Variants in BUB1B observed in about 807,000 individuals in gnomAD.
BUB1B encodes BUB1 mitotic checkpoint serine/threonine kinase B, also known as mitotic checkpoint serine/threonine-protein kinase BUB1 beta.
A neutral mutation model predicts 137.7 loss-of-function variants in BUB1B; 86 were observed. That is an observed-to-expected ratio of 0.62 (90% CI 0.52 to 0.75). The LOEUF (loss-of-function observed/expected upper bound fraction) is 0.75, where lower values mean the gene tolerates loss of function less well. BUB1B is among the 30% of genes least tolerant of loss of function. The pLI, the probability that BUB1B is intolerant of heterozygous loss-of-function variation, is 0.00. For synonymous variants in BUB1B, 420 were observed against 417.9 expected, an observed-to-expected ratio of 1.00 and a Z score of -0.06; for missense variants, 1,130 against 1,236.9, an observed-to-expected ratio of 0.91 and a Z score of 1.30.
At chr15:40,162,834 A>G (rs556660560) in intron 1 of BUB1B, among the ~76,000 whole-genome samples, 17 of 152,288 alleles carry the variant, frequency 1.1e-4, no homozygotes, top group African/African-American at 4.1e-4. Context: ...TGAATTCAAC[A>G]AACAGGGCAT....
chr15:40,199,809 CT>C (rs1392157282), intron 10 of BUB1B, 82 bp downstream of exon 10: 2 of 1,066,726 alleles, frequency 1.9e-6, no homozygotes, highest in Admixed American at 2.0e-5. Context: ...GGTTAAAGTC[CT>C]CCCAACCCCC....
At chr15:40,208,045 A>C (rs2140905132) in intron 15 of BUB1B, among the ~76,000 whole-genome samples, 1 of 151,292 alleles carries the variant, frequency 6.6e-6, no homozygotes, top group Middle Eastern at 3.4e-3. Flanking sequence ...ACTTGAGCCC[A>C]GGAAATCAAG....
intron 5 of BUB1B, among the ~76,000 whole-genome samples, chr15:40,179,705 C>T (rs1338039578): frequency 6.6e-6 from 1 of 151,878 alleles, no homozygotes; most frequent in African/African-American, 2.4e-5. Context: ...TTTGGATTAT[C>T]TGAGTGTTTT....
At chr15:40,211,039 G>A (rs1387094210) in intron 18 of BUB1B, among the ~76,000 whole-genome samples, 1 of 152,032 alleles carries the variant, frequency 6.6e-6, no homozygotes, top group Non-Finnish European at 1.5e-5. Flanking sequence ...AGTTTTCTCT[G>A]TTCTCTTATT....
chr15:40,208,183 A>C (rs2037661263), intron 15 of BUB1B, among the ~76,000 whole-genome samples: 1 of 152,040 alleles, frequency 6.6e-6, no homozygotes, highest in Admixed American at 6.5e-5. Context: ...ACAAATTATA[A>C]ATTATTTAAA....
chr15:40,169,998 G>A, intron 2 of BUB1B, 64 bp from the exon 3 acceptor site: 1 of 1,269,578 alleles, frequency 7.9e-7, no homozygotes. Context: ...AAAAATGGAA[G>A]TGATACTTGT....
intron 5 of BUB1B, among the ~76,000 whole-genome samples, chr15:40,182,972 G>T (rs11070253): frequency 0.54 from 82,449 of 151,876 alleles, 22,786 homozygotes; most frequent in African/African-American, 0.58. Context: ...TTTTGTATAT[G>T]GTCTATAGTT....
intron 2 of BUB1B, among the ~76,000 whole-genome samples, chr15:40,166,887 G>A (rs572947552): frequency 1.3e-5 from 2 of 152,250 alleles, no homozygotes; most frequent in African/African-American, 2.4e-5. Flanking sequence ...ACTAATAATG[G>A]TGAACGTTTT....
chr15:40,210,124 T>C lies in BUB1B; in HGVS notation c.2299T>C (p.Cys767Arg), dbSNP rs1429881927. Reference sequence around the variant, plus strand: ...TTTCTCAACAGGTAATGAGGATTACTGCATTAAACGAGAATACCTAATATG... The same window carrying C: ...TTTCTCAACAGGTAATGAGGATTACCGCATTAAACGAGAATACCTAATATG... ...KEIELGNEDY[C>R]IKREYLICED... The change falls in exon 18 of 23, where the codon TGC (cysteine) becomes CGC (arginine). Residue 767 changes from cysteine (C) to arginine (R), a missense_variant. By Grantham distance (180) the Cys-to-Arg change is radical (BLOSUM62 -3). Transcript: ENST00000287598. The C allele has an allele frequency of 1.2e-6, 2 of 1,609,630 alleles. No homozygotes were observed. The highest frequency in any genetic ancestry group is 4.5e-5 in the East Asian group (2 of 44,814).
At chr15:40,193,809 G>A (rs921678428) in intron 8 of BUB1B, among the ~76,000 whole-genome samples, 9 of 151,502 alleles carry the variant, frequency 5.9e-5, no homozygotes, top group South Asian at 2.1e-4. Context: ...CAGGAGAATC[G>A]CTTGAACCTG....
chr15:40,170,271 TC>T, intron 3 of BUB1B, 150 bp downstream of exon 3: 1 of 818,052 alleles, frequency 1.2e-6, no homozygotes, highest in Admixed American at 2.5e-5. Flanking sequence ...TAATATATCT[TC>T]CTGAGGTGTT....
chr15:40,168,824 A>G (rs2037129854), intron 2 of BUB1B, among the ~76,000 whole-genome samples: 1 of 152,136 alleles, frequency 6.6e-6, no homozygotes, highest in Non-Finnish European at 1.5e-5. Flanking sequence ...TTTATTCAAT[A>G]TTAGTTTCCC....
At chr15:40,217,327 G>A in intron 20 of BUB1B, 169 bp from the exon 21 acceptor site, 1 of 674,720 alleles carries the variant, frequency 1.5e-6, no homozygotes, top group Non-Finnish European at 2.6e-6. Flanking sequence ...CGCATTGGGT[G>A]GACACTGCCA....
chr15:40,220,792 C>A lies in BUB1B; in HGVS notation c.*33C>A. On this transcript the variant is annotated 3_prime_UTR_variant, in exon 23 of 23. Coordinates refer to ENST00000287598, the MANE Select transcript of BUB1B (RefSeq NM_001211.6). Reference sequence around the variant, plus strand: ...AATCAAGTCTCACAGATTGCTGCCTCAGAGCAATGGTTGTATTGTGGAACA... The same window carrying A: ...AATCAAGTCTCACAGATTGCTGCCTAAGAGCAATGGTTGTATTGTGGAACA... 1 of 1,591,956 alleles carries A rather than the reference C, an allele frequency of 6.3e-7. No homozygotes were observed. The highest frequency in any genetic ancestry group is 1.1e-5 in the South Asian group (1 of 90,644).
chr15:40,161,983 A>G (rs1166806201), intron 1 of BUB1B, among the ~76,000 whole-genome samples: 1 of 152,180 alleles, frequency 6.6e-6, no homozygotes, highest in East Asian at 1.9e-4. Flanking sequence ...CATGAAGCTT[A>G]AGTTCTGGCA....
rs2037897082 is a variant in BUB1B, at chr15:40,220,914, A to C, written c.*155A>C. On this transcript the variant is annotated 3_prime_UTR_variant, in exon 23 of 23. Transcript: ENST00000287598. ...GTACAGGTATATTTTGACGTCACTG[A>C]TATTTTTTATACAGTGATATACTTA... 2 of 787,106 alleles carry C rather than the reference A, an allele frequency of 2.5e-6. No homozygotes were observed. The highest frequency in any genetic ancestry group is 1.5e-5 in the South Asian group (1 of 65,998). 48.8% of individuals were successfully genotyped at this position (787,106 alleles called of 1,614,324 possible). A position where few individuals can be genotyped will look rare whatever the true frequency, so the allele number is the denominator to read the frequency against.
At chr15:40,198,168 A>G (rs1476655636) in intron 9 of BUB1B, among the ~76,000 whole-genome samples, 6 of 151,944 alleles carry the variant, frequency 3.9e-5, no homozygotes, top group African/African-American at 1.2e-4. Flanking sequence ...CCTACTCTAG[A>G]TTACATGGGA....
chr15:40,198,038 G>A (rs1360254071), intron 9 of BUB1B, among the ~76,000 whole-genome samples: 1 of 152,046 alleles, frequency 6.6e-6, no homozygotes, highest in Non-Finnish European at 1.5e-5. Context: ...CAGGCACAGT[G>A]GCTCACACCT....
chr15:40,178,918 A>G (rs2037251480), intron 5 of BUB1B, among the ~76,000 whole-genome samples: 1 of 151,798 alleles, frequency 6.6e-6, no homozygotes, highest in Admixed American at 6.6e-5. Context: ...AAAAAAAACC[A>G]CTCTTAGAGT....
Sources: gnomAD v4.1 joint callset for allele counts (sites outside exome capture counted in the v4.1 genomes callset) on GRCh38, gnomAD v4.1.1 for gene constraint, MANE v1.5 for transcripts, NCBI Gene and HGNC (gene_info 2026-07-23, HGNC 2026-07-21) for gene names.